The following RGS22 variants were observed in gnomAD, a reference collection of about 807,000 sequenced individuals.
RGS22 encodes regulator of G-protein signaling 22.
Under a neutral mutation model 172.9 loss-of-function variants are expected in RGS22, and 148 were observed. The observed-to-expected ratio is 0.86, with a 90% CI of 0.75 to 0.98. The LOEUF (loss-of-function observed/expected upper bound fraction) is 0.98, where lower values mean the gene tolerates loss of function less well. Ranked by LOEUF, RGS22 falls within the 50% of genes least tolerant of loss-of-function variation. RGS22 has a pLI of 0.00. For missense variants in RGS22, 1,347 were observed against 1,440.8 expected (o/e 0.93, Z 1.05); for synonymous variants, 458 against 480.2 (o/e 0.95, Z 0.60).
intron 3 of RGS22, chr8:100,093,204 A>G (rs911449515): frequency 3.0e-4 from 108 of 358,128 alleles, no homozygotes; most frequent in Non-Finnish European, 5.1e-4. Flanking sequence ...CAGCTGAACC[A>G]GAGTTTGTAC....
At chr8:100,085,314 C>A (rs188863388) in intron 3 of RGS22, among the ~76,000 whole-genome samples, 3 of 152,094 alleles carry the variant, frequency 2.0e-5, no homozygotes, top group African/African-American at 7.2e-5. Context: ...TGAGCCAATA[C>A]AGGGCATCCT....
Position 100,021,498 on chromosome 8 carries a change from A to T in RGS22, c.2167-12929T>A, listed in dbSNP as rs1817597694. Reference sequence around the variant, plus strand: ...GGCCTGATGAGAAAGTACAAGGAACATATTTGAAGAGGAAACATTAAAGCA... The same window carrying T: ...GGCCTGATGAGAAAGTACAAGGAACTTATTTGAAGAGGAAACATTAAAGCA... On this transcript the variant is annotated intron_variant, in intron 14 of 27. Coordinates refer to ENST00000360863, the MANE Select transcript of RGS22 (RefSeq NM_015668.5). Among the ~76,000 whole-genome samples, 4 of 152,238 alleles carry T rather than the reference A, an allele frequency of 2.6e-5. No individual in the cohort carries two copies. The South Asian group carries it at 8.3e-4, about 32-fold the overall frequency.
At chr8:100,095,027 A>C (rs1416683422) in intron 2 of RGS22, among the ~76,000 whole-genome samples, 1 of 152,216 alleles carries the variant, frequency 6.6e-6, no homozygotes, top group Non-Finnish European at 1.5e-5. Context: ...CATAATACAG[A>C]ATATGTATTT....
At chr8:100,101,646 T>C (rs1194983262) in intron 2 of RGS22, among the ~76,000 whole-genome samples, 3 of 151,870 alleles carry the variant, frequency 2.0e-5, no homozygotes, top group South Asian at 4.2e-4. Flanking sequence ...ACTTTCTCAA[T>C]GTGTATCTTA....
intron 23 of RGS22, among the ~76,000 whole-genome samples, chr8:99,977,012 CAATG>C (rs1031833561): frequency 6.6e-6 from 1 of 151,848 alleles, no homozygotes; most frequent in Non-Finnish European, 1.5e-5. Context: ...AGAAAGAGAC[CAATG>C]AATGAATGAA....
intron 11 of RGS22, among the ~76,000 whole-genome samples, chr8:100,045,599 C>G (rs1019689442): frequency 2.6e-5 from 4 of 151,856 alleles, no homozygotes; most frequent in Non-Finnish European, 4.4e-5. Context: ...CTTATACAAG[C>G]TGAAGGAAGT....
At chr8:99,968,739 C>A (rs967375296) in intron 23 of RGS22, among the ~76,000 whole-genome samples, 1 of 151,930 alleles carries the variant, frequency 6.6e-6, no homozygotes, top group Non-Finnish European at 1.5e-5. Flanking sequence ...GTGAAAAGAC[C>A]AAACCTACAA....
chr8:100,081,022 A>G (rs1230914989), intron 3 of RGS22, among the ~76,000 whole-genome samples: 1 of 152,138 alleles, frequency 6.6e-6, no homozygotes, highest in Non-Finnish European at 1.5e-5. Context: ...ATCACTGAAC[A>G]TTTTTGGGGC....
intron 14 of RGS22, among the ~76,000 whole-genome samples, chr8:100,016,702 G>A (rs947361919): frequency 3.9e-5 from 6 of 152,060 alleles, no homozygotes; most frequent in East Asian, 1.9e-4. Flanking sequence ...GCGTGAACCC[G>A]GGAGGCGGAG....
chr8:100,021,657 C>A (rs538892026), intron 14 of RGS22, among the ~76,000 whole-genome samples: 1 of 151,992 alleles, frequency 6.6e-6, no homozygotes, highest in South Asian at 2.1e-4. Context: ...ACAAAGAAAC[C>A]ATATTGCTGT....
At chr8:100,025,459 C>T (rs1412280432) in intron 14 of RGS22, among the ~76,000 whole-genome samples, 2 of 152,194 alleles carry the variant, frequency 1.3e-5, no homozygotes, top group Non-Finnish European at 2.9e-5. Context: ...AACCTCACCC[C>T]TCACCCATGT....
chr8:100,086,226 G>C (rs1329559952), intron 3 of RGS22, among the ~76,000 whole-genome samples: 1 of 152,100 alleles, frequency 6.6e-6, no homozygotes, highest in Non-Finnish European at 1.5e-5. Flanking sequence ...GTTACATTTG[G>C]TGAACTGCAA....
intron 2 of RGS22, among the ~76,000 whole-genome samples, chr8:100,103,429 A>C (rs1813660588): frequency 6.6e-6 from 1 of 152,196 alleles, no homozygotes; most frequent in South Asian, 2.1e-4. Context: ...AAAGTCTTTG[A>C]TGTGAGTGAC....
At chr8:99,964,477 CAA>C (rs34613354) in intron 24 of RGS22, among the ~76,000 whole-genome samples, 6 of 55,270 alleles carry the variant, frequency 1.1e-4, no homozygotes, top group African/African-American at 1.8e-4. Flanking sequence ...GACCCTGTCT[CAA>C]AAAAAAAAAA....
At chr8:100,102,710 G>A (rs1422136218) in intron 2 of RGS22, among the ~76,000 whole-genome samples, 1 of 152,204 alleles carries the variant, frequency 6.6e-6, no homozygotes, top group Non-Finnish European at 1.5e-5. Context: ...GACAAAATTT[G>A]ACAGCAAAGG....
intron 3 of RGS22, among the ~76,000 whole-genome samples, chr8:100,089,197 T>TAA (rs957300187): frequency 6.9e-6 from 1 of 145,320 alleles, no homozygotes; most frequent in African/African-American, 2.7e-5. Context: ...ATACACGAGA[T>TAA]ACACACACAC....
intron 14 of RGS22, among the ~76,000 whole-genome samples, chr8:100,033,428 T>A (rs529754198): frequency 6.6e-6 from 1 of 151,786 alleles, no homozygotes; most frequent in African/African-American, 2.4e-5. Flanking sequence ...AAGAAATGGA[T>A]AAATTCCTTG....
chr8:100,006,886 T>G (rs185930117), intron 15 of RGS22, among the ~76,000 whole-genome samples: 18 of 152,264 alleles, frequency 1.2e-4, no homozygotes, highest in Non-Finnish European at 1.8e-4. Context: ...TCATGACTAA[T>G]GCCGAAACTT....
Position 100,047,446 on chromosome 8 carries a change from C to A in RGS22, c.1823+17G>T. The A allele has an allele frequency of 6.4e-7, 1 of 1,574,332 alleles. No individual in the cohort carries two copies. The highest frequency in any genetic ancestry group is 8.6e-7 in the Non-Finnish European group (1 of 1,166,542). ...GTATTGCAGAAAAGCACTTAACACA[C>A]AAAAAGTTGCACCTACCCTTTCTCA... On this transcript the variant is annotated intron_variant, in intron 11 of 27. Transcript: ENST00000360863.
Sources: gnomAD v4.1 joint callset for allele counts (sites outside exome capture counted in the v4.1 genomes callset) on GRCh38, gnomAD v4.1.1 for gene constraint, MANE v1.5 for transcripts, NCBI Gene and HGNC (gene_info 2026-07-23, HGNC 2026-07-21) for gene names.